Variants in PRSS23 observed in about 807,000 individuals in gnomAD.
The protein encoded by PRSS23 is protease, serine 23.
Under a neutral mutation model 34.7 loss-of-function variants are expected in PRSS23, and 25 were observed. The observed-to-expected ratio is 0.72, with a 90% CI of 0.53 to 1.01. PRSS23 has a LOEUF of 1.01. PRSS23 is among the 50% of genes least tolerant of loss of function. The probability of loss-of-function intolerance (pLI) is 0.00; values close to 1 mark genes in which losing one functional copy is unlikely to be tolerated. For missense variants in PRSS23, 445 were observed against 475.6 expected (o/e 0.94, Z 0.60); for synonymous variants, 176 against 186.6 (o/e 0.94, Z 0.46).
At chr11:86,836,496 G>A (rs1042354293) in intron 2 of PRSS23, among the ~76,000 whole-genome samples, 2 of 152,206 alleles carry the variant, frequency 1.3e-5, no homozygotes, top group Admixed American at 1.3e-4. Context: ...ATGTTCAGGT[G>A]TGTAATAGCC....
intron 2 of PRSS23, among the ~76,000 whole-genome samples, chr11:86,880,174 G>T (rs1403631012): frequency 6.6e-6 from 1 of 152,130 alleles, no homozygotes; most frequent in African/African-American, 2.4e-5. Flanking sequence ...TGAAGCATGT[G>T]CTGTGTCCAC....
At chr11:86,893,732 A>C (rs959318841) in intron 2 of PRSS23, among the ~76,000 whole-genome samples, 61 of 152,334 alleles carry the variant, frequency 4.0e-4, no homozygotes, top group African/African-American at 1.4e-3. Context: ...CTTCTTGTTA[A>C]AAATTTTTTT....
intron 2 of PRSS23, among the ~76,000 whole-genome samples, chr11:86,840,981 A>G (rs2134903730): frequency 6.6e-6 from 1 of 152,270 alleles, no homozygotes; most frequent in East Asian, 1.9e-4. Flanking sequence ...GGAAATTTAT[A>G]GCACTAAATG....
intron 2 of PRSS23, among the ~76,000 whole-genome samples, chr11:86,870,755 T>A (rs1309050468): frequency 6.6e-6 from 1 of 152,192 alleles, no homozygotes; most frequent in African/African-American, 2.4e-5. Context: ...TTATTACCCC[T>A]TTCTTCTGCA....
chr11:86,842,508 A>G (rs935823830), intron 2 of PRSS23, among the ~76,000 whole-genome samples: 2 of 152,230 alleles, frequency 1.3e-5, no homozygotes, highest in Non-Finnish European at 2.9e-5. Flanking sequence ...TGCAGACGAC[A>G]TGATTGTATA....
chr11:86,944,012 A>G (rs1347629770), intron 2 of PRSS23, among the ~76,000 whole-genome samples: 1 of 152,046 alleles, frequency 6.6e-6, no homozygotes, highest in Non-Finnish European at 1.5e-5. Context: ...AAGTGCTGGG[A>G]TTACAGGTGT....
chr11:86,915,931 T>A (rs1180903644), intron 2 of PRSS23, among the ~76,000 whole-genome samples: 4 of 152,074 alleles, frequency 2.6e-5, no homozygotes, highest in Non-Finnish European at 4.4e-5. Flanking sequence ...GGCACACACC[T>A]GTAATCCCAG....
intron 2 of PRSS23, among the ~76,000 whole-genome samples, chr11:86,849,997 G>C (rs546591511): frequency 1.3e-5 from 2 of 152,142 alleles, no homozygotes; most frequent in Non-Finnish European, 2.9e-5. Flanking sequence ...TACTGAAAAG[G>C]TCAAAGAAAT....
downstream of PRSS23, among the ~76,000 whole-genome samples, chr11:86,813,899 T>G (rs564655061): frequency 6.6e-6 from 1 of 152,264 alleles, no homozygotes; most frequent in East Asian, 1.9e-4. Flanking sequence ...GCAGTGACTT[T>G]GACTTTGGAA....
At chr11:86,938,538 T>C (rs1475018205) in intron 2 of PRSS23, among the ~76,000 whole-genome samples, 2 of 151,940 alleles carry the variant, frequency 1.3e-5, no homozygotes, top group Admixed American at 1.3e-4. Context: ...GGCTAGAGCA[T>C]AGGGTGTGTC....
rs528769342 is a variant in PRSS23, at chr11:86,927,394, C to G, written c.207-23822C>G. ...AGTTATAAGATCTCAGAAGCTGACCCTGAGCTGGCATTCTCCAGTTGGCAT... is the reference window on the plus strand; with the variant it reads ...AGTTATAAGATCTCAGAAGCTGACCGTGAGCTGGCATTCTCCAGTTGGCAT... On this transcript the variant is annotated intron_variant, in intron 2 of 2. Transcript: ENST00000533902. 3.3e-5 allele frequency among the ~76,000 whole-genome samples: 5 copies of G among 152,324 alleles called. No individual in the cohort carries two copies. In the South Asian group the frequency reaches 1.0e-3, roughly 32 times the overall value.
At chr11:86,888,730 A>T (rs1464300520) in intron 2 of PRSS23, among the ~76,000 whole-genome samples, 1 of 152,232 alleles carries the variant, frequency 6.6e-6, no homozygotes, top group Non-Finnish European at 1.5e-5. Context: ...TTTGTGTCTA[A>T]ACCACAGGAA....
chr11:86,800,409 G>C (rs986004004), upstream of PRSS23: 4 of 972,374 alleles, frequency 4.1e-6, no homozygotes, highest in Non-Finnish European at 4.9e-6. Context: ...GCGAGGGGAG[G>C]GGGGCACGGT....
At chr11:86,946,370 A>G (rs1379955333) in intron 2 of PRSS23, 1 of 152,186 alleles carries the variant, frequency 6.6e-6, no homozygotes, top group Non-Finnish European at 1.5e-5. Flanking sequence ...CTTTGAGGAC[A>G]TGGCTCATAT....
Position 86,834,600 on chromosome 11 carries a change from T to G in PRSS23, c.206+11007T>G, listed in dbSNP as rs555647631. On this transcript the variant is annotated intron_variant, in intron 2 of 2. Coordinates refer to the PRSS23 transcript ENST00000533902. The stretch of plus-strand genomic sequence containing the variant: ...TTCCTTTCCTTTCCTTTCCTTTCCT[T>G]TCCTTTCCTTTCCTATGACTCCGGC... 3.8e-4 allele frequency among the ~76,000 whole-genome samples: 56 copies of G among 145,940 alleles called. No homozygotes were observed. The South Asian group carries it at 0.012, about 32-fold the overall frequency.
chr11:86,942,312 G>T (rs1365947329), intron 2 of PRSS23, among the ~76,000 whole-genome samples: 1 of 152,202 alleles, frequency 6.6e-6, no homozygotes, highest in African/African-American at 2.4e-5. Flanking sequence ...AGGAAACAAC[G>T]CATATGCAAA....
intron 2 of PRSS23, among the ~76,000 whole-genome samples, chr11:86,871,348 C>T (rs1458119576): frequency 6.6e-6 from 1 of 152,176 alleles, no homozygotes; most frequent in African/African-American, 2.4e-5. Context: ...ACTGTGTGAC[C>T]TCTGGAATCA....
intron 2 of PRSS23, among the ~76,000 whole-genome samples, chr11:86,876,878 G>A (rs1414981044): frequency 6.6e-6 from 1 of 152,168 alleles, no homozygotes; most frequent in Non-Finnish European, 1.5e-5. Context: ...TAAATAGGAG[G>A]CATTCCTAGA....
chr11:86,830,094 G>T (rs1045695651), intron 2 of PRSS23, among the ~76,000 whole-genome samples: 2 of 152,182 alleles, frequency 1.3e-5, no homozygotes, highest in African/African-American at 2.4e-5. Flanking sequence ...GCCCCCAGAG[G>T]TGGAGCCTAC....
Sources: allele counts gnomAD v4.1 joint callset (sites outside exome capture counted in the v4.1 genomes callset), GRCh38; gene constraint gnomAD v4.1.1; transcripts MANE v1.5; gene names NCBI Gene and HGNC (gene_info 2026-07-23, HGNC 2026-07-21).